MCF2L: variants seen among roughly 807,000 people sequenced by gnomAD.
The protein encoded by MCF2L is guanine nucleotide exchange factor DBS.
MCF2L carries 97 observed loss-of-function variants against 153.4 expected under a neutral mutation model. The ratio of observed to expected loss-of-function variants is 0.63; its 90% CI spans 0.54 to 0.75. The LOEUF (loss-of-function observed/expected upper bound fraction) is 0.75, where lower values mean the gene tolerates loss of function less well. Ranked by LOEUF, MCF2L falls within the 30% of genes least tolerant of loss-of-function variation. The probability of loss-of-function intolerance (pLI) is 0.00; values close to 1 mark genes in which losing one functional copy is unlikely to be tolerated. For synonymous variants in MCF2L, 659 were observed against 632.2 expected, an observed-to-expected ratio of 1.04 and a Z score of -0.64; for missense variants, 1,347 against 1,495.2, an observed-to-expected ratio of 0.90 and a Z score of 1.64.
chr13:112,999,161 G>A (rs984014601), intron 1 of MCF2L, among the ~76,000 whole-genome samples: 1 of 152,208 alleles, frequency 6.6e-6, no homozygotes, highest in Non-Finnish European at 1.5e-5. Context: ...GTCCTCCCCG[G>A]CTTGGGGCCA....
At position 113,075,949 on chromosome 13, in the gene MCF2L, A is replaced by G. The variant is rs2033429973; in HGVS notation, c.1309-17A>G. The G allele has an allele frequency of 6.3e-7, 1 of 1,589,650 alleles. No homozygotes were observed. The highest frequency in any genetic ancestry group is 8.6e-7 in the Non-Finnish European group (1 of 1,166,650). ...CTCTCACGGCGTCCTGCCCTCGGCA[A>G]TGCTCTGTGTTTCCAGTCCATGAAG... is the stretch of plus-strand genomic sequence containing the variant. On this transcript the variant is annotated splice_polypyrimidine_tract_variant and intron_variant, in intron 11 of 29. Coordinates refer to ENST00000535094, the MANE Select transcript of MCF2L (RefSeq NM_001112732.3).
chr13:113,029,491 T>C (rs575765642), intron 3 of MCF2L, among the ~76,000 whole-genome samples: 80 of 152,350 alleles, frequency 5.3e-4, no homozygotes, highest in Non-Finnish European at 1.0e-3. Flanking sequence ...CTGCAAGCCT[T>C]GCAGGTGCAG....
intron 1 of MCF2L, among the ~76,000 whole-genome samples, chr13:112,998,155 A>T (rs1483272937): frequency 5.3e-5 from 8 of 152,262 alleles, no homozygotes; most frequent in African/African-American, 1.9e-4. Flanking sequence ...AGACACGGTC[A>T]TTCATGTAAT....
In MCF2L at chr13:113,096,934, C is replaced by G; in HGVS notation, c.*75C>G. 1 of 1,106,584 alleles carries G rather than the reference C, an allele frequency of 9.0e-7. No individual in the cohort carries two copies. The highest frequency in any genetic ancestry group is 2.4e-5 in the South Asian group (1 of 41,240). 68.5% of individuals were successfully genotyped at this position (1,106,584 alleles called of 1,614,324 possible). A position where few individuals can be genotyped will look rare whatever the true frequency, so the allele number is the denominator to read the frequency against. ...TGGGGAGGGCGCGGCCCCCGGACGC[C>G]CCGAGGAAGGGGCACCTCACCGCCC... On this transcript the variant is annotated 3_prime_UTR_variant, in exon 30 of 30. Coordinates refer to ENST00000535094, the MANE Select transcript of MCF2L (RefSeq NM_001112732.3).
chr13:113,024,025 T>C (rs11618245), intron 2 of MCF2L, among the ~76,000 whole-genome samples: 24,684 of 152,160 alleles, frequency 0.16, 2,100 homozygotes, highest in East Asian at 0.19. Context: ...GGGAGGGAAA[T>C]GGACTCCGTC....
In MCF2L at chr13:112,969,306, G is replaced by T; in HGVS notation, c.-74G>T. ...CCTCCGCCGCGCCCCCTCCGCACTC[G>T]CACGGCCCCACCCGCAGGCGCCCCC... On this transcript the variant is annotated 5_prime_UTR_variant, in exon 1 of 30. Coordinates refer to ENST00000535094, the MANE Select transcript of MCF2L (RefSeq NM_001112732.3). This position sits in a 1 kb window ranked among gnomAD's most constrained non-coding sequence, Gnocchi z 4.8. The T allele has an allele frequency of 2.0e-6, 3 of 1,533,492 alleles. No homozygotes were observed. Among genetic ancestry groups the T allele is most frequent in the South Asian group, 1.2e-5 (1 of 82,562 alleles). 95.0% of individuals were successfully genotyped at this position (1,533,492 alleles called of 1,614,324 possible).
At chr13:112,896,717 G>A (rs769129248) in intron 1 of MCF2L, among the ~76,000 whole-genome samples, 3 of 152,174 alleles carry the variant, frequency 2.0e-5, no homozygotes, top group South Asian at 2.1e-4. Context: ...AGCCCACCCC[G>A]CTTCACTGTC....
At chr13:112,982,833 A>C (rs545838671) in intron 1 of MCF2L, among the ~76,000 whole-genome samples, 5 of 152,226 alleles carry the variant, frequency 3.3e-5, no homozygotes, top group African/African-American at 1.2e-4. Context: ...GAGCTGTGAC[A>C]AAGGACAGGA....
rs911601266 is a variant in MCF2L, at chr13:113,064,717, C to T, written c.607-219C>T. 30 of 600,490 alleles carry T rather than the reference C, an allele frequency of 5.0e-5. No homozygotes were observed. The highest frequency in any genetic ancestry group is 2.4e-4 in the African/African-American group (13 of 53,630). The allele number at this position is 600,490 out of a possible 1,614,324, so 37.2% of individuals were successfully genotyped here. On this transcript the variant is annotated intron_variant, in intron 6 of 29. Transcript: ENST00000535094. The surrounding 1 kb of genome is among the most constrained non-coding windows in gnomAD (Gnocchi z 6.0). ...CGGGGAGAGGCAGCGCAGGCACAGG[C>T]GACTCTAGGTGACGGGCACACGTGT...
chr13:113,037,384 C>A (rs1594782072), intron 3 of MCF2L, among the ~76,000 whole-genome samples: 1 of 152,182 alleles, frequency 6.6e-6, no homozygotes. Flanking sequence ...CCAGCGGCAC[C>A]ATTTGTAGGG....
Position 112,993,034 on chromosome 13 carries a change from TGG to T in MCF2L, c.80-21725_80-21724del, listed in dbSNP as rs561867186. Among the ~76,000 whole-genome samples, 2 of 152,090 alleles carry T rather than the reference TGG, an allele frequency of 1.3e-5. No individual in the cohort carries two copies. Among genetic ancestry groups the T allele is most frequent in the Non-Finnish European group, 2.9e-5 (2 of 68,006 alleles). On this transcript the variant is annotated intron_variant, in intron 1 of 29. Transcript: ENST00000535094. This position sits in a 1 kb window ranked among gnomAD's most constrained non-coding sequence, Gnocchi z 4.6. ...GCATCAGGCAGGAGTCCATGGGCCA[TGG>T]GGGTGAGGAGAGAGCGGCTCGCTGC...
chr13:113,075,216 TC>T (rs776784942), intron 11 of MCF2L, 27 bp downstream of exon 11: 29 of 1,541,374 alleles, frequency 1.9e-5, no homozygotes, highest in African/African-American at 5.5e-5. Context: ...CCCACCCCAC[TC>T]CCCCCCAGCT....
At chr13:112,942,401 C>G (rs887206573) in intron 2 of MCF2L, among the ~76,000 whole-genome samples, 1 of 152,200 alleles carries the variant, frequency 6.6e-6, no homozygotes, top group South Asian at 2.1e-4. Context: ...ATGGCTCACA[C>G]TCCTTACCCT....
chr13:113,042,577 T>G (rs2086568436), intron 3 of MCF2L: 1 of 152,194 alleles, frequency 6.6e-6, no homozygotes, highest in South Asian at 2.1e-4. Context: ...GGGCGCCTTT[T>G]TCGTGGCTGC....
rs150513916 is a variant in MCF2L at position 112,982,973 on chromosome 13, G to A, written c.79+13515G>A. 3.0e-3 allele frequency among the ~76,000 whole-genome samples: 451 copies of A among 152,260 alleles called. 2 individuals are homozygous for A. The highest frequency in any genetic ancestry group is 5.0e-3 in the Non-Finnish European group (338 of 67,990). ...TGGGGCTGGGGCGCAGCTCGTCCCCGAGTCCATGGTGGTGACGCTCAGGAG... is the reference window on the plus strand; with the variant it reads ...TGGGGCTGGGGCGCAGCTCGTCCCCAAGTCCATGGTGGTGACGCTCAGGAG... On this transcript the variant is annotated intron_variant, in intron 1 of 29. Coordinates refer to ENST00000535094, the MANE Select transcript of MCF2L (RefSeq NM_001112732.3).
At chr13:113,071,389 T>A (rs997920307) in intron 9 of MCF2L, among the ~76,000 whole-genome samples, 1 of 152,228 alleles carries the variant, frequency 6.6e-6, no homozygotes, top group African/African-American at 2.4e-5. Flanking sequence ...GTTTTTCACG[T>A]AGCCAAAGCA....
chr13:112,985,453 G>A (rs2082597409), intron 1 of MCF2L: 1 of 471,004 alleles, frequency 2.1e-6, no homozygotes, highest in Admixed American at 2.3e-5. Context: ...TCTGAGTGGT[G>A]CTCCTGGCTG....
At chr13:112,918,368 C>G (rs1259112953) in intron 2 of MCF2L, among the ~76,000 whole-genome samples, 1 of 152,222 alleles carries the variant, frequency 6.6e-6, no homozygotes, top group Non-Finnish European at 1.5e-5. Context: ...TGTTGGGGAA[C>G]TCCAGTAGAC....
At chr13:112,915,410 C>CAAAAAAAAA (rs779274453) in intron 2 of MCF2L, among the ~76,000 whole-genome samples, 15,348 of 85,888 alleles carry the variant, frequency 0.18, 2,360 homozygotes, top group South Asian at 0.26. Flanking sequence ...CTCTGTCTCA[C>CAAAAAAAAA]AAAAAAAAAA....
Sources: allele counts gnomAD v4.1 joint callset (sites outside exome capture counted in the v4.1 genomes callset), GRCh38; gene constraint gnomAD v4.1.1; non-coding constraint Gnocchi (gnomAD v3.1); transcripts MANE v1.5; gene names NCBI Gene and HGNC (gene_info 2026-07-23, HGNC 2026-07-21).